RBFOX1: variants seen among roughly 807,000 people sequenced by gnomAD.
RBFOX1 encodes RNA binding fox-1 homolog 1, also known as RNA binding protein fox-1 homolog 1.
In RBFOX1, 8 loss-of-function variants were observed where a neutral mutation model predicts 57.7. That is an observed-to-expected ratio of 0.14 (90% confidence interval 0.08 to 0.25). RBFOX1 has a LOEUF of 0.25. Ranked by LOEUF, RBFOX1 falls within the 10% of genes least tolerant of loss-of-function variation. The pLI, the probability that RBFOX1 is intolerant of heterozygous loss-of-function variation, is 1.00. For synonymous variants in RBFOX1, 326 were observed against 222.4 expected (o/e 1.47, Z -4.15); for missense variants, 611 against 548.5 (o/e 1.11, Z -1.14).
intron 3 of RBFOX1, among the ~76,000 whole-genome samples, chr16:7,027,327 G>C (rs2041259680): frequency 6.6e-6 from 1 of 152,172 alleles, no homozygotes; most frequent in South Asian, 2.1e-4. Flanking sequence ...ATGCATTATA[G>C]AATTTTGTCT....
chr16:5,792,625 C>A (rs1187209563), intron 3 of RBFOX1, among the ~76,000 whole-genome samples: 2 of 152,098 alleles, frequency 1.3e-5, no homozygotes, highest in Non-Finnish European at 2.9e-5. Flanking sequence ...GGTGGATCAC[C>A]TGAGGTCAGG....
intron 13 of RBFOX1, among the ~76,000 whole-genome samples, chr16:7,665,648 G>T (rs1417998918): frequency 6.6e-6 from 1 of 152,072 alleles, no homozygotes; most frequent in South Asian, 2.1e-4. Context: ...TCATCTAGAG[G>T]TAGTTATTCT....
At chr16:7,088,843 CTCTG>C (rs2060378577) in intron 4 of RBFOX1, among the ~76,000 whole-genome samples, 1 of 152,174 alleles carries the variant, frequency 6.6e-6, no homozygotes, top group Admixed American at 6.5e-5. Context: ...TCAACTCAAC[CTCTG>C]TCTTTCATCA....
chr16:6,026,041 C>G (rs962489345), intron 1 of RBFOX1, among the ~76,000 whole-genome samples: 1 of 152,156 alleles, frequency 6.6e-6, no homozygotes, highest in African/African-American at 2.4e-5. Flanking sequence ...CAGCAGTTCA[C>G]CTTATTCGAT....
rs776921488 is a variant in RBFOX1 at position 7,239,498 on chromosome 16, AAAAT to A, written c.27+187416_27+187419del. Among the ~76,000 whole-genome samples the A allele has an allele frequency of 3.4e-4, 52 of 152,206 alleles. 2 individuals are homozygous for A. Among genetic ancestry groups the A allele is most frequent in the Admixed American group, 3.1e-3 (47 of 15,262 alleles). ...TGGGCAACAGAGCAAGACTGTCTAA[AAAAT>A]AAATAAATAAATAAAAATTGGAATC... On this transcript the variant is annotated intron_variant, in intron 4 of 15. Coordinates refer to ENST00000550418, the MANE Select transcript of RBFOX1 (RefSeq NM_018723.4).
chr16:6,268,996 A>G (rs1025121971), intron 1 of RBFOX1, among the ~76,000 whole-genome samples: 1 of 152,184 alleles, frequency 6.6e-6, no homozygotes, highest in African/African-American at 2.4e-5. Flanking sequence ...GTGGGGACAT[A>G]TCTCTCACTT....
chr16:6,860,216 T>G (rs1040434291), intron 3 of RBFOX1, among the ~76,000 whole-genome samples: 7 of 152,212 alleles, frequency 4.6e-5, no homozygotes, highest in African/African-American at 1.7e-4. Context: ...ACAATATATA[T>G]TGAATGCCCG....
intron 1 of RBFOX1, among the ~76,000 whole-genome samples, chr16:6,129,328 T>A (rs1292819592): frequency 6.6e-6 from 1 of 151,916 alleles, no homozygotes. Context: ...ATGGAAGTCA[T>A]AAAAAGGAAT....
At chr16:5,919,184 A>G (rs2058767378) in intron 4 of RBFOX1, among the ~76,000 whole-genome samples, 1 of 152,184 alleles carries the variant, frequency 6.6e-6, no homozygotes, top group East Asian at 1.9e-4. Context: ...CTGACACTTC[A>G]GTGAAGGTCA....
intron 3 of RBFOX1, among the ~76,000 whole-genome samples, chr16:5,751,657 C>G (rs536914699): frequency 6.6e-6 from 1 of 152,102 alleles, no homozygotes; most frequent in Non-Finnish European, 1.5e-5. Flanking sequence ...AGGTGAGGAG[C>G]ATTTGGAAGT....
chr16:7,293,054 G>T (rs1035771254), intron 4 of RBFOX1, among the ~76,000 whole-genome samples: 3 of 152,110 alleles, frequency 2.0e-5, no homozygotes, highest in Non-Finnish European at 2.9e-5. Flanking sequence ...AATCAAAGTC[G>T]AGGGCACTAG....
intron 4 of RBFOX1, among the ~76,000 whole-genome samples, chr16:7,508,629 A>T (rs1483761608): frequency 6.6e-6 from 1 of 152,150 alleles, no homozygotes; most frequent in African/African-American, 2.4e-5. Flanking sequence ...AAACGTAAGG[A>T]CGGGCACAAA....
At chr16:7,652,849 G>C (rs1164631499) in intron 11 of RBFOX1, among the ~76,000 whole-genome samples, 1 of 152,176 alleles carries the variant, frequency 6.6e-6, no homozygotes, top group African/African-American at 2.4e-5. Flanking sequence ...GGCATGTGTG[G>C]TTTGTGCACT....
chr16:5,494,856 A>G (rs983235061), intron 2 of RBFOX1, among the ~76,000 whole-genome samples: 4 of 152,228 alleles, frequency 2.6e-5, no homozygotes, highest in Non-Finnish European at 4.4e-5. Flanking sequence ...AGTAGCAAAT[A>G]TGATCCTCAG....
At chr16:7,394,892 C>G (rs1211148913) in intron 4 of RBFOX1, among the ~76,000 whole-genome samples, 8 of 152,154 alleles carry the variant, frequency 5.3e-5, no homozygotes, top group Non-Finnish European at 1.2e-4. Context: ...CTTGCCGTCC[C>G]CTGCAGCCTT....
intron 1 of RBFOX1, among the ~76,000 whole-genome samples, chr16:6,285,246 A>G (rs1298456115): frequency 6.6e-6 from 1 of 152,202 alleles, no homozygotes; most frequent in Non-Finnish European, 1.5e-5. Flanking sequence ...GCTTAGTAGG[A>G]AGTAGATTCT....
At chr16:6,158,929 G>GTC (rs2096857730) in intron 1 of RBFOX1, among the ~76,000 whole-genome samples, 3 of 150,032 alleles carry the variant, frequency 2.0e-5, no homozygotes, top group Non-Finnish European at 4.4e-5. Context: ...TTTTGAGACA[G>GTC]TCTCTCTCTG....
chr16:6,411,300 C>G (rs1173836634), intron 2 of RBFOX1, among the ~76,000 whole-genome samples: 1 of 152,120 alleles, frequency 6.6e-6, no homozygotes, highest in East Asian at 1.9e-4. Flanking sequence ...TCTAGATAAC[C>G]ATAGGTCCGG....
At chr16:6,791,824 C>G (rs889299353) in intron 3 of RBFOX1, among the ~76,000 whole-genome samples, 1 of 152,114 alleles carries the variant, frequency 6.6e-6, no homozygotes, top group Non-Finnish European at 1.5e-5. Flanking sequence ...CACAGTCATA[C>G]CTCCAGGAAG....
Sources: gnomAD v4.1 joint callset for allele counts (sites outside exome capture counted in the v4.1 genomes callset) on GRCh38, gnomAD v4.1.1 for gene constraint, MANE v1.5 for transcripts, NCBI Gene and HGNC (gene_info 2026-07-23, HGNC 2026-07-21) for gene names.